The following PRKN variants were observed in gnomAD, a reference collection of about 807,000 sequenced individuals.
The protein encoded by PRKN is parkin RBR E3 ubiquitin protein ligase.
Under a neutral mutation model 59.5 loss-of-function variants are expected in PRKN, and 56 were observed. The observed-to-expected ratio is 0.94, with a 90% CI of 0.76 to 1.18. PRKN has a LOEUF of 1.18. Ranked by LOEUF, PRKN falls within the 50% of genes most tolerant of loss-of-function variation. The probability of loss-of-function intolerance (pLI) is 0.00; values close to 1 mark genes in which losing one functional copy is unlikely to be tolerated. For synonymous variants in PRKN, 250 were observed against 222.1 expected (o/e 1.13, Z -1.12); for missense variants, 657 against 596.4 (o/e 1.10, Z -1.06).
chr6:162,450,368 CTGTGATTGTAA>C (rs1790549775), intron 1 of PRKN, among the ~76,000 whole-genome samples: 100 of 134,748 alleles, frequency 7.4e-4, no homozygotes, highest in African/African-American at 2.6e-3. Flanking sequence ...GTAAACGCCC[CTGTGATTGTAA>C]TCCCCCTGTG....
At chr6:162,103,808 G>C (rs1780077549) in intron 4 of PRKN, among the ~76,000 whole-genome samples, 1 of 152,188 alleles carries the variant, frequency 6.6e-6, no homozygotes, top group African/African-American at 2.4e-5. Flanking sequence ...CTGTCCCTTA[G>C]GAGATGCTCA....
rs1276762096 is a variant in PRKN at position 161,428,579 on chromosome 6, T to C, written c.1084-41702A>G. The stretch of plus-strand genomic sequence containing the variant: ...TGTGTGGCATTGTGGCTGCCTTTGA[T>C]TGTTTGGCGGTTTGCTGTGTTCTCT... On this transcript the variant is annotated intron_variant, in intron 9 of 11. Transcript: ENST00000366898. This position sits in a 1 kb window ranked among gnomAD's most constrained non-coding sequence, Gnocchi z 4.0. Among the ~76,000 whole-genome samples the C allele has an allele frequency of 6.6e-6, 1 of 152,192 alleles. No individual in the cohort carries two copies. The highest frequency in any genetic ancestry group is 1.5e-5 in the Non-Finnish European group (1 of 68,042).
chr6:161,451,114 C>A lies in PRKN; in HGVS notation c.1084-64237G>T, dbSNP rs1933925386. Among the ~76,000 whole-genome samples, 2 of 152,120 alleles carry A rather than the reference C, an allele frequency of 1.3e-5. No individual in the cohort carries two copies. Among genetic ancestry groups the A allele is most frequent in the African/African-American group, 4.8e-5 (2 of 41,404 alleles). On this transcript the variant is annotated intron_variant, in intron 9 of 11. Coordinates refer to ENST00000366898, the MANE Select transcript of PRKN (RefSeq NM_004562.3). This position sits in a 1 kb window ranked among gnomAD's most constrained non-coding sequence, Gnocchi z 5.9. ...CGATGGAAAGAGAACTGGCAAGGGG[C>A]TAACTTCTGCATGACGTGTTTCCAT...
intron 1 of PRKN, among the ~76,000 whole-genome samples, chr6:162,644,555 C>T (rs2128225248): frequency 6.6e-6 from 1 of 152,094 alleles, no homozygotes; most frequent in East Asian, 1.9e-4. Context: ...AAAAAATAAC[C>T]GTTGAATATT....
chr6:162,424,594 G>A (rs1388193918), intron 2 of PRKN, among the ~76,000 whole-genome samples: 1 of 151,898 alleles, frequency 6.6e-6, no homozygotes, highest in Non-Finnish European at 1.5e-5. Context: ...AAATTAGCCG[G>A]GTGTGGTCAT....
At chr6:162,408,428 A>G (rs1285617694) in intron 2 of PRKN, among the ~76,000 whole-genome samples, 1 of 152,162 alleles carries the variant, frequency 6.6e-6, no homozygotes, top group African/African-American at 2.4e-5. Context: ...AAATGCCCTC[A>G]ATATGATTTT....
At chr6:162,018,388 T>C (rs896050252) in intron 5 of PRKN, among the ~76,000 whole-genome samples, 1 of 152,176 alleles carries the variant, frequency 6.6e-6, no homozygotes, top group East Asian at 1.9e-4. Flanking sequence ...TTAAAACAAA[T>C]GCACATGTGC....
intron 1 of PRKN, among the ~76,000 whole-genome samples, chr6:162,488,427 T>C (rs1344777492): frequency 6.6e-6 from 1 of 152,156 alleles, no homozygotes; most frequent in Non-Finnish European, 1.5e-5. Flanking sequence ...CTGAGGAGAT[T>C]TCCCCACATC....
intron 1 of PRKN, among the ~76,000 whole-genome samples, chr6:162,542,002 T>G (rs548786682): frequency 7.9e-5 from 12 of 152,202 alleles, no homozygotes; most frequent in African/African-American, 2.6e-4. Context: ...GCAAGGCTGT[T>G]GTGTTTGGTG....
intron 4 of PRKN, among the ~76,000 whole-genome samples, chr6:162,193,861 G>A (rs1328900535): frequency 1.3e-5 from 2 of 152,172 alleles, no homozygotes; most frequent in Non-Finnish European, 2.9e-5. Context: ...TTGCAGAAGG[G>A]AGCAGGGGCA....
intron 2 of PRKN, among the ~76,000 whole-genome samples, chr6:162,441,959 G>T (rs1488829150): frequency 6.6e-6 from 1 of 151,760 alleles, no homozygotes; most frequent in Non-Finnish European, 1.5e-5. Context: ...AACATCCTTG[G>T]ATTTAGAGGT....
At chr6:162,232,826 C>T (rs980933390) in intron 3 of PRKN, among the ~76,000 whole-genome samples, 3 of 152,022 alleles carry the variant, frequency 2.0e-5, no homozygotes, top group Non-Finnish European at 4.4e-5. Context: ...CTGCACAAAG[C>T]GTGGTGTGTA....
At chr6:161,696,223 T>G (rs914054594) in intron 7 of PRKN, among the ~76,000 whole-genome samples, 1 of 152,200 alleles carries the variant, frequency 6.6e-6, no homozygotes, top group African/African-American at 2.4e-5. Context: ...TTTCCCATAG[T>G]TAAGAGACCC....
chr6:161,358,379 A>C (rs1190000716), intron 11 of PRKN, among the ~76,000 whole-genome samples: 2 of 152,110 alleles, frequency 1.3e-5, no homozygotes, highest in Non-Finnish European at 2.9e-5. Context: ...TTGGGAGGCC[A>C]AGGCGGGTAG....
intron 1 of PRKN, among the ~76,000 whole-genome samples, chr6:162,564,098 G>C (rs183556950): frequency 5.7e-4 from 86 of 152,180 alleles, no homozygotes; most frequent in African/African-American, 2.0e-3. Flanking sequence ...TGTAATCCCA[G>C]CACTTTGGGA....
At position 161,422,565 on chromosome 6, in the gene PRKN, G is replaced by A. The variant is rs928756842; in HGVS notation, c.1084-35688C>T. Among the ~76,000 whole-genome samples the A allele has an allele frequency of 1.2e-4, 18 of 151,988 alleles. 1 individual carries two copies. The highest frequency in any genetic ancestry group is 4.4e-4 in the African/African-American group (18 of 41,348). On this transcript the variant is annotated intron_variant, in intron 9 of 11. Transcript: ENST00000366898. The stretch of plus-strand genomic sequence containing the variant: ...TATCTCCTCTCTTTCTTTGACTAAC[G>A]CCTATATTCTCATAGATGCTCTGTT...
Position 161,378,925 on chromosome 6 carries a change from A to G in PRKN, c.1167+7869T>C, listed in dbSNP as rs1562406950. On this transcript the variant is annotated intron_variant, in intron 10 of 11. Transcript: ENST00000366898. The surrounding 1 kb of genome is among the most constrained non-coding windows in gnomAD (Gnocchi z 7.3). ...TGGAGTTTATGCTCTCCATCTGTGC[A>G]ACCTGGCCTTGCATATATAGGGGCC... Among the ~76,000 whole-genome samples the G allele has an allele frequency of 6.6e-6, 1 of 152,310 alleles. No homozygotes were observed. The highest frequency in any genetic ancestry group is 1.9e-4 in the East Asian group (1 of 5,172).
chr6:161,442,965 G>A lies in PRKN; in HGVS notation c.1084-56088C>T, dbSNP rs1195999015. On this transcript the variant is annotated intron_variant, in intron 9 of 11. Transcript: ENST00000366898. The surrounding 1 kb of genome is among the most constrained non-coding windows in gnomAD (Gnocchi z 4.6). Reference sequence around the variant, plus strand: ...GCACAGATGAGGAAATCGGGGCTCTGAGAGGTTAACTGACCTGCTCGAGGT... The same window carrying A: ...GCACAGATGAGGAAATCGGGGCTCTAAGAGGTTAACTGACCTGCTCGAGGT... 2.0e-5 allele frequency among the ~76,000 whole-genome samples: 3 copies of A among 152,188 alleles called. No homozygotes were observed. Among genetic ancestry groups the A allele is most frequent in the African/African-American group, 7.2e-5 (3 of 41,456 alleles).
rs1229636360 is a variant in PRKN, at chr6:161,575,913, A to G, written c.872-6497T>C. ...GGCATCAAAAATAAATGAAGATTCAATGTGATCGAAGACAATGCAGCGAGA... is the reference window on the plus strand; with the variant it reads ...GGCATCAAAAATAAATGAAGATTCAGTGTGATCGAAGACAATGCAGCGAGA... On this transcript the variant is annotated intron_variant, in intron 7 of 11. Transcript: ENST00000366898. The surrounding 1 kb of genome is among the most constrained non-coding windows in gnomAD (Gnocchi z 4.6). Among the ~76,000 whole-genome samples the G allele has an allele frequency of 2.0e-5, 3 of 152,370 alleles. No homozygotes were observed. The East Asian group carries it at 5.8e-4, about 29-fold the overall frequency.
Sources: allele counts gnomAD v4.1 joint callset (sites outside exome capture counted in the v4.1 genomes callset), GRCh38; gene constraint gnomAD v4.1.1; non-coding constraint Gnocchi (gnomAD v3.1); transcripts MANE v1.5; gene names NCBI Gene and HGNC (gene_info 2026-07-23, HGNC 2026-07-21).